Variants in RIMS1 observed in about 807,000 individuals in gnomAD.
RIMS1 encodes the protein regulating synaptic membrane exocytosis 1.
A neutral mutation model predicts 214.1 loss-of-function variants in RIMS1; 83 were observed. The observed-to-expected ratio is 0.39, with a 90% confidence interval of 0.32 to 0.47. The LOEUF is 0.47. Ranked by LOEUF, RIMS1 falls within the 20% of genes least tolerant of loss-of-function variation. The pLI is 0.99. For synonymous variants in RIMS1, 793 were observed against 786.8 expected (o/e 1.01, Z -0.13); for missense variants, 2,050 against 2,161.8 (o/e 0.95, Z 1.03).
In RIMS1 at chr6:72,183,746, G is replaced by A. The variant is rs149757555; in HGVS notation, c.1678+597G>A. On this transcript the variant is annotated intron_variant, in intron 6 of 33. Coordinates refer to ENST00000521978, the MANE Select transcript of RIMS1 (RefSeq NM_014989.7). ...GCAGCAATTTTAAAAACTTGTGGAC[G>A]AACCGGGTAGCCTGGCAATATTTTA... Among the ~76,000 whole-genome samples the A allele has an allele frequency of 1.8e-3, 269 of 151,538 alleles. 1 individual carries two copies. Among genetic ancestry groups the A allele is most frequent in the Non-Finnish European group, 2.9e-3 (198 of 67,904 alleles).
chr6:71,992,981 A>G (rs77668559), intron 2 of RIMS1, among the ~76,000 whole-genome samples: 3,274 of 152,242 alleles, frequency 0.022, 35 homozygotes, highest in African/African-American at 0.037. Flanking sequence ...TTAATTTTCA[A>G]ATAATCACAT....
At chr6:71,976,828 G>C (rs1329351659) in intron 2 of RIMS1, among the ~76,000 whole-genome samples, 2 of 151,922 alleles carry the variant, frequency 1.3e-5, no homozygotes, top group Non-Finnish European at 2.9e-5. Flanking sequence ...AGCAGATTAG[G>C]AAATATATAT....
intron 1 of RIMS1, among the ~76,000 whole-genome samples, chr6:71,912,317 T>C (rs1356801068): frequency 1.3e-5 from 2 of 152,180 alleles, no homozygotes; most frequent in African/African-American, 4.8e-5. Flanking sequence ...TACAAATCTC[T>C]GATACCCAAA....
chr6:72,274,654 T>C (rs60936481), intron 23 of RIMS1, among the ~76,000 whole-genome samples: 257 of 152,326 alleles, frequency 1.7e-3, no homozygotes, highest in Middle Eastern at 6.8e-3. Flanking sequence ...TCAGGATCCA[T>C]TGAAAGGATG....
chr6:72,077,868 G>A (rs944817400), intron 2 of RIMS1, among the ~76,000 whole-genome samples: 11 of 152,120 alleles, frequency 7.2e-5, no homozygotes, highest in Non-Finnish European at 1.2e-4. Context: ...CCTTACTTAG[G>A]GGATGCTGAC....
At chr6:72,271,260 C>A (rs2082950374) in intron 22 of RIMS1, among the ~76,000 whole-genome samples, 1 of 98,666 alleles carries the variant, frequency 1.0e-5, no homozygotes. Context: ...AGCAAGACTC[C>A]ATCTCAAGGA....
intron 2 of RIMS1, among the ~76,000 whole-genome samples, chr6:72,072,405 T>C (rs1830772537): frequency 6.6e-6 from 1 of 152,106 alleles, no homozygotes; most frequent in African/African-American, 2.4e-5. Context: ...TCTATAGTCA[T>C]TCAAAGAAAG....
At chr6:72,319,125 C>A (rs1170216966) in intron 28 of RIMS1, among the ~76,000 whole-genome samples, 1 of 151,392 alleles carries the variant, frequency 6.6e-6, no homozygotes, top group East Asian at 1.9e-4. Context: ...GGATCATGGC[C>A]CTAGAGACTT....
intron 2 of RIMS1, among the ~76,000 whole-genome samples, chr6:72,044,648 C>T (rs1436449042): frequency 6.6e-6 from 1 of 151,640 alleles, no homozygotes; most frequent in Non-Finnish European, 1.5e-5. Context: ...AAATCAAAAC[C>T]ACAGCAGCAT....
chr6:72,393,876 C>T (rs2098740758), intron 31 of RIMS1, among the ~76,000 whole-genome samples: 1 of 152,112 alleles, frequency 6.6e-6, no homozygotes, highest in Admixed American at 6.5e-5. Context: ...GCCAGCCAAA[C>T]TATCAAGTAA....
chr6:72,126,970 C>A (rs931792817), intron 4 of RIMS1, among the ~76,000 whole-genome samples: 2 of 152,096 alleles, frequency 1.3e-5, no homozygotes, highest in African/African-American at 4.8e-5. Flanking sequence ...AAAAGATACA[C>A]GCACATGCAT....
chr6:72,392,917 T>C, intron 31 of RIMS1, 107 bp downstream of exon 31: 1 of 739,082 alleles, frequency 1.4e-6, no homozygotes, highest in Non-Finnish European at 2.3e-6. Context: ...GAAGCAACAT[T>C]TTAGCTACAG....
At chr6:72,362,100 G>A (rs954525352) in intron 29 of RIMS1, among the ~76,000 whole-genome samples, 1 of 151,994 alleles carries the variant, frequency 6.6e-6, no homozygotes, top group Non-Finnish European at 1.5e-5. Context: ...TGATATCCAT[G>A]GATATAGTTT....
At chr6:72,048,520 T>A (rs1823710960) in intron 2 of RIMS1, among the ~76,000 whole-genome samples, 1 of 152,046 alleles carries the variant, frequency 6.6e-6, no homozygotes, top group African/African-American at 2.4e-5. Context: ...ATAACATCTA[T>A]AGGATGTAGA....
chr6:71,973,150 C>T (rs770234889), intron 2 of RIMS1, among the ~76,000 whole-genome samples: 30 of 152,104 alleles, frequency 2.0e-4, no homozygotes, highest in Non-Finnish European at 2.6e-4. Flanking sequence ...CTTCGTGATC[C>T]GCCCACCTTG....
intron 29 of RIMS1, among the ~76,000 whole-genome samples, chr6:72,349,418 A>G (rs1035258187): frequency 1.2e-4 from 18 of 152,084 alleles, no homozygotes; most frequent in African/African-American, 4.1e-4. Flanking sequence ...CTTATTTGTA[A>G]TAACTAAAGT....
intron 23 of RIMS1, among the ~76,000 whole-genome samples, chr6:72,281,970 T>C (rs2090324575): frequency 1.3e-5 from 2 of 152,254 alleles, no homozygotes; most frequent in East Asian, 1.9e-4. Context: ...TGTTTTTTTT[T>C]CCACAGACAT....
At chr6:72,234,883 CT>C (rs981348054) in intron 7 of RIMS1, among the ~76,000 whole-genome samples, 1 of 151,866 alleles carries the variant, frequency 6.6e-6, no homozygotes, top group Non-Finnish European at 1.5e-5. Flanking sequence ...TCTTCCCTGT[CT>C]TTTTGTGGTT....
chr6:71,945,485 A>G (rs1203366205), intron 1 of RIMS1, among the ~76,000 whole-genome samples: 1 of 152,140 alleles, frequency 6.6e-6, no homozygotes, highest in African/African-American at 2.4e-5. Context: ...ACAAATAAAT[A>G]AGCCTCCCAG....
Sources: allele counts gnomAD v4.1 joint callset (sites outside exome capture counted in the v4.1 genomes callset), GRCh38; gene constraint gnomAD v4.1.1; transcripts MANE v1.5; gene names NCBI Gene and HGNC (gene_info 2026-07-23, HGNC 2026-07-21).